Variants in CHODL observed in about 807,000 individuals in gnomAD.
CHODL encodes the protein transmembrane protein MT75.
CHODL carries 29 observed loss-of-function variants against 34.5 expected under a neutral mutation model. The observed-to-expected ratio is 0.84, with a 90% CI of 0.63 to 1.15. The LOEUF (loss-of-function observed/expected upper bound fraction) is 1.15. CHODL is among the 50% of genes most tolerant of loss of function. The pLI, the probability that CHODL is intolerant of heterozygous loss-of-function variation, is 0.00. For missense variants in CHODL, 332 were observed against 332.5 expected (o/e 1.00, Z 0.01); for synonymous variants, 125 against 116.1 (o/e 1.08, Z -0.49).
At chr21:18,088,803 A>G (rs2065038130) in intron 2 of CHODL, among the ~76,000 whole-genome samples, 1 of 152,190 alleles carries the variant, frequency 6.6e-6, no homozygotes, top group Non-Finnish European at 1.5e-5. Context: ...TTGATCCAAA[A>G]TCTGGCTTCT....
At chr21:18,246,050 T>G (rs1240653805) in intron 1 of CHODL, 4 of 986,564 alleles carry the variant, frequency 4.1e-6, no homozygotes, top group Non-Finnish European at 6.2e-6. Context: ...GTCTTTGATT[T>G]TTCTTTTTTT....
At position 18,190,972 on chromosome 21, in the gene CHODL, CAG is replaced by C. The variant is rs538494587; in HGVS notation, c.-44-65536_-44-65535del. On this transcript the variant is annotated intron_variant, in intron 2 of 6. Transcript: ENST00000400127. ...TGTTTTGGAGGTTCCTTGCTTACAT[CAG>C]TACAAATGGTAGGTCATCAATACTG... is the stretch of plus-strand genomic sequence containing the variant. 3.9e-5 allele frequency among the ~76,000 whole-genome samples: 6 copies of C among 152,212 alleles called. No individual in the cohort carries two copies. The South Asian group carries it at 1.2e-3, about 32-fold the overall frequency.
chr21:17,959,643 A>G (rs1203853906), intron 1 of CHODL, among the ~76,000 whole-genome samples: 1 of 152,210 alleles, frequency 6.6e-6, no homozygotes, highest in Non-Finnish European at 1.5e-5. Flanking sequence ...GAATACATCT[A>G]GCTTGCTCCT....
intron 2 of CHODL, among the ~76,000 whole-genome samples, chr21:18,099,316 G>A (rs2146541804): frequency 6.6e-6 from 1 of 151,948 alleles, no homozygotes; most frequent in Non-Finnish European, 1.5e-5. Context: ...ATTCTGCATT[G>A]CATGCCTTTA....
At chr21:17,945,918 C>CT in intron 1 of CHODL, among the ~76,000 whole-genome samples, 1 of 152,134 alleles carries the variant, frequency 6.6e-6, no homozygotes, top group East Asian at 1.9e-4. Flanking sequence ...TTAGCAAACT[C>CT]TACAAGCCTG....
chr21:17,982,182 A>G (rs909907498), intron 1 of CHODL, among the ~76,000 whole-genome samples: 3 of 152,212 alleles, frequency 2.0e-5, no homozygotes, highest in African/African-American at 7.2e-5. Context: ...CAACTTAAGT[A>G]TATTGTGAGT....
intron 1 of CHODL, among the ~76,000 whole-genome samples, chr21:18,008,667 A>G (rs2063983067): frequency 6.6e-6 from 1 of 152,226 alleles, no homozygotes; most frequent in Non-Finnish European, 1.5e-5. Context: ...ATATCTTTGC[A>G]AATGGCAGAA....
chr21:18,067,899 C>G (rs1013416892), intron 2 of CHODL, among the ~76,000 whole-genome samples: 3 of 152,156 alleles, frequency 2.0e-5, no homozygotes, highest in Non-Finnish European at 4.4e-5. Context: ...TTTCTCCATG[C>G]CCAAAGAGTT....
intron 1 of CHODL, among the ~76,000 whole-genome samples, chr21:18,247,847 G>T (rs2074161184): frequency 1.3e-5 from 2 of 151,942 alleles, no homozygotes; most frequent in African/African-American, 4.8e-5. Flanking sequence ...GAAGTGACTG[G>T]TGAGTAGTGA....
At chr21:17,947,532 A>AACAC (rs1003512511) in intron 1 of CHODL, among the ~76,000 whole-genome samples, 132 of 106,836 alleles carry the variant, frequency 1.2e-3, no homozygotes, top group African/African-American at 4.1e-3. Flanking sequence ...CCTAATAAGA[A>AACAC]ACACACACAC....
At chr21:18,105,373 A>G (rs2065261083) in intron 2 of CHODL, among the ~76,000 whole-genome samples, 1 of 152,112 alleles carries the variant, frequency 6.6e-6, no homozygotes, top group African/African-American at 2.4e-5. Context: ...TGTGGCTGAC[A>G]CCTGACTTAT....
intron 2 of CHODL, among the ~76,000 whole-genome samples, chr21:18,190,892 AT>A (rs1183058699): frequency 6.6e-6 from 1 of 152,190 alleles, no homozygotes; most frequent in Non-Finnish European, 1.5e-5. Flanking sequence ...GTTACTTGAT[AT>A]TCGTGAAGTC....
At chr21:18,158,213 T>G (rs756307966) in intron 2 of CHODL, among the ~76,000 whole-genome samples, 1 of 152,162 alleles carries the variant, frequency 6.6e-6, no homozygotes, top group African/African-American at 2.4e-5. Flanking sequence ...GAGCCTGGTA[T>G]ACAATAGGTT....
At chr21:18,177,344 A>C (rs1215652164) in intron 2 of CHODL, among the ~76,000 whole-genome samples, 1 of 152,140 alleles carries the variant, frequency 6.6e-6, no homozygotes, top group Non-Finnish European at 1.5e-5. Flanking sequence ...TAAACTGAAT[A>C]ACTGAGATTT....
At chr21:18,032,113 TAG>T (rs1220161729) in intron 2 of CHODL, among the ~76,000 whole-genome samples, 1 of 151,918 alleles carries the variant, frequency 6.6e-6, no homozygotes, top group African/African-American at 2.4e-5. Flanking sequence ...AACATTTAGT[TAG>T]AGAGGAGAAA....
At chr21:18,095,968 T>A (rs141121094) in intron 2 of CHODL, among the ~76,000 whole-genome samples, 1 of 152,172 alleles carries the variant, frequency 6.6e-6, no homozygotes. Context: ...TCATGATAAA[T>A]GTTTCGGGAA....
chr21:17,933,205 C>T (rs751565507), intron 1 of CHODL, among the ~76,000 whole-genome samples: 1 of 152,172 alleles, frequency 6.6e-6, no homozygotes, highest in African/African-American at 2.4e-5. Context: ...ATGCCTTCCT[C>T]TTGTTTCAAC....
chr21:18,109,982 A>G (rs1291043395), intron 2 of CHODL, among the ~76,000 whole-genome samples: 5 of 152,182 alleles, frequency 3.3e-5, no homozygotes, highest in Non-Finnish European at 5.9e-5. Flanking sequence ...TATACCTACA[A>G]AGCCAACAAG....
chr21:18,125,766 A>G (rs2065535819), intron 2 of CHODL, among the ~76,000 whole-genome samples: 1 of 152,088 alleles, frequency 6.6e-6, no homozygotes. Flanking sequence ...GATTAAAAAA[A>G]CCTGAAAACT....
Sources: gnomAD v4.1 joint callset for allele counts (sites outside exome capture counted in the v4.1 genomes callset) on GRCh38, gnomAD v4.1.1 for gene constraint, MANE v1.5 for transcripts, NCBI Gene and HGNC (gene_info 2026-07-23, HGNC 2026-07-21) for gene names.